The following PSD2 variants were observed in gnomAD, a reference collection of about 807,000 sequenced individuals.
The protein encoded by PSD2 is PH and SEC7 domain-containing protein 2.
In PSD2, 38 loss-of-function variants were observed where a neutral mutation model predicts 69.8. The observed-to-expected ratio is 0.54, with a 90% CI of 0.42 to 0.71. The LOEUF (loss-of-function observed/expected upper bound fraction) is 0.71. Among genes scored for constraint, PSD2 ranks in the 30% least tolerant of loss-of-function variants. PSD2 has a pLI of 0.00. For synonymous variants in PSD2, 412 were observed against 423.0 expected (o/e 0.97, Z 0.32); for missense variants, 943 against 1,014.5 (o/e 0.93, Z 0.96).
chr5:139,836,983 G>A lies in PSD2; in HGVS notation c.1576G>A (p.Asp526Asn). The A allele has an allele frequency of 1.9e-6, 3 of 1,612,808 alleles. No homozygotes were observed. The highest frequency in any genetic ancestry group is 2.5e-6 in the Non-Finnish European group (3 of 1,179,240). Residue 526 changes from aspartate to asparagine, a missense_variant, in exon 10 of 15, where the codon GAC becomes AAC. Asp to Asn is a conservative substitution (Grantham distance 23). Transcript: ENST00000274710. ...HGVLTRKTHA[D>N]MDGKRTPRGR... ...CGTCCTGACCCGGAAGACTCACGCT[G>A]ACATGGATGGCAAGAGGAGTGGGTG...
intron 7 of PSD2, among the ~76,000 whole-genome samples, chr5:139,824,753 G>T (rs191517496): frequency 4.4e-4 from 67 of 152,238 alleles, no homozygotes; most frequent in African/African-American, 1.6e-3. Context: ...GTGAAGTAAA[G>T]CTCGTACCCA....
intron 2 of PSD2, among the ~76,000 whole-genome samples, chr5:139,812,899 C>T (rs529193681): frequency 5.3e-5 from 8 of 152,252 alleles, no homozygotes; most frequent in Admixed American, 1.3e-4. Context: ...ACTAGTTCTC[C>T]GTGGGCAGGA....
At chr5:139,834,829 C>T (rs1760676987) in intron 8 of PSD2, among the ~76,000 whole-genome samples, 1 of 151,990 alleles carries the variant, frequency 6.6e-6, no homozygotes, top group Non-Finnish European at 1.5e-5. Flanking sequence ...TCCCAAACTA[C>T]CCATTCACCT....
intron 7 of PSD2, among the ~76,000 whole-genome samples, chr5:139,831,848 T>G (rs1164324990): frequency 6.6e-6 from 1 of 152,248 alleles, no homozygotes; most frequent in Non-Finnish European, 1.5e-5. Flanking sequence ...AGTATTTTCT[T>G]TCTTAATTTC....
At chr5:139,778,581 A>G in the PSD2 span, among the ~76,000 whole-genome samples, 1 of 152,236 alleles carries the variant, frequency 6.6e-6, no homozygotes, top group Non-Finnish European at 1.5e-5. Context: ...ATTGTAATGA[A>G]CATCCTTGTA....
the PSD2 span, among the ~76,000 whole-genome samples, chr5:139,769,615 C>T: frequency 6.6e-6 from 1 of 152,208 alleles, no homozygotes; most frequent in African/African-American, 2.4e-5. Flanking sequence ...TCTCATCTGT[C>T]CAGCACTTGC....
chr5:139,833,627 T>TGGGCA lies in PSD2; in HGVS notation c.1270-66_1270-62dup, dbSNP rs540804983. ...CTTAATGCTGCCTCATCCCTCTGGC[T>TGGGCA]GGGCAGGGCAGGGTGTGTGGGGAAC... On this transcript the variant is annotated intron_variant, in intron 7 of 14. Coordinates refer to ENST00000274710, the MANE Select transcript of PSD2 (RefSeq NM_032289.4). 1,086 of 1,009,528 alleles carry TGGGCA rather than the reference T, an allele frequency of 1.1e-3. 7 individuals are homozygous for TGGGCA. The African/African-American group carries it at 0.014, about 13-fold the overall frequency. The allele number at this position is 1,009,528 out of a possible 1,614,324, so 62.5% of individuals were successfully genotyped here. A position where few individuals can be genotyped will look rare whatever the true frequency, so the allele number is the denominator to read the frequency against.
chr5:139,804,788 T>A (rs115859540), intron 1 of PSD2, among the ~76,000 whole-genome samples: 1,737 of 152,240 alleles, frequency 0.011, 33 homozygotes, highest in African/African-American at 0.04. Flanking sequence ...CCCATAGGCC[T>A]GCCAGTGCCT....
chr5:139,765,761 C>CG, the PSD2 span, among the ~76,000 whole-genome samples: 26 of 152,222 alleles, frequency 1.7e-4, no homozygotes, highest in South Asian at 3.9e-3. Flanking sequence ...GGCTGCGTTC[C>CG]GGGGGGGTTC....
chr5:139,837,970 C>T lies in PSD2; in HGVS notation c.1823+188C>T, dbSNP rs1760777958. On this transcript the variant is annotated intron_variant, in intron 12 of 14. Transcript: ENST00000274710. This position sits in a 1 kb window ranked among gnomAD's most constrained non-coding sequence, Gnocchi z 5.0. ...TTCCCCTCAGCATCATTTGCAGTCT[C>T]TCTGGCCCCACCTTAGACCTACTGA... 6.6e-6 allele frequency among the ~76,000 whole-genome samples: 1 copy of T among 152,232 alleles called. No homozygotes were observed. The highest frequency in any genetic ancestry group is 6.5e-5 in the Admixed American group (1 of 15,288).
At chr5:139,766,928 CCCTTCTTTCTTTCTTTCT>C in the PSD2 span, among the ~76,000 whole-genome samples, 3 of 31,186 alleles carry the variant, frequency 9.6e-5, no homozygotes, top group African/African-American at 3.5e-4. Flanking sequence ...TTCCTTCCTT[CCCTTCTTTCTTTCTTTCT>C]TTCTTTCTTT....
At chr5:139,763,110 C>T in the PSD2 span, among the ~76,000 whole-genome samples, 2 of 152,068 alleles carry the variant, frequency 1.3e-5, no homozygotes, top group Non-Finnish European at 2.9e-5. Flanking sequence ...AGTGGGGTGC[C>T]TGAACAGGCT....
At chr5:139,830,554 C>CTTCG (rs1554096344) in intron 7 of PSD2, among the ~76,000 whole-genome samples, 2 of 135,168 alleles carry the variant, frequency 1.5e-5, no homozygotes, top group Non-Finnish European at 3.1e-5. Context: ...TCCTTCCTTC[C>CTTCG]TTCCTTCCTT....
the PSD2 span, among the ~76,000 whole-genome samples, chr5:139,787,641 C>A: frequency 1.3e-5 from 2 of 152,330 alleles, no homozygotes; most frequent in African/African-American, 2.4e-5. Context: ...GGTGGCGCCC[C>A]GACCCCAAAA....
At chr5:139,826,807 A>G (rs112085790) in intron 7 of PSD2, among the ~76,000 whole-genome samples, 1 of 152,168 alleles carries the variant, frequency 6.6e-6, no homozygotes, top group African/African-American at 2.4e-5. Flanking sequence ...TCTGACAGTG[A>G]TGTCAGCCTC....
Position 139,814,036 on chromosome 5 carries a change from G to T in PSD2, c.822-134G>T. 1 of 843,224 alleles carries T rather than the reference G, an allele frequency of 1.2e-6. No individual in the cohort carries two copies. The highest frequency in any genetic ancestry group is 1.9e-6 in the Non-Finnish European group (1 of 527,700). 52.2% of individuals were successfully genotyped at this position (843,224 alleles called of 1,614,324 possible). A position where few individuals can be genotyped will look rare whatever the true frequency, so the allele number is the denominator to read the frequency against. The stretch of plus-strand genomic sequence containing the variant: ...CTGAAAGTCTGATTTCATTCCCTCC[G>T]GCTGCAGTGGAGCTTCTTTCCCTGT... On this transcript the variant is annotated intron_variant, in intron 3 of 14. Transcript: ENST00000274710. This position sits in a 1 kb window ranked among gnomAD's most constrained non-coding sequence, Gnocchi z 4.4.
chr5:139,749,443 C>T, the PSD2 span, among the ~76,000 whole-genome samples: 1 of 152,242 alleles, frequency 6.6e-6, no homozygotes, highest in Non-Finnish European at 1.5e-5. Context: ...GCAGCAGCCA[C>T]TGCCCCATTC....
Position 139,833,453 on chromosome 5 carries a change from C to T in PSD2, c.1270-249C>T, listed in dbSNP as rs185939566. ...GCAAATGTCAGCTCTTACAACTCTT[C>T]ATCCAGCCCAACTCCTTCACCTGGG... On this transcript the variant is annotated intron_variant, in intron 7 of 14. Coordinates refer to ENST00000274710, the MANE Select transcript of PSD2 (RefSeq NM_032289.4). 1.9e-3 allele frequency among the ~76,000 whole-genome samples: 296 copies of T among 152,338 alleles called. 1 individual carries two copies. Among genetic ancestry groups the T allele is most frequent in the African/African-American group, 6.6e-3 (274 of 41,580 alleles).
At chr5:139,830,010 G>GA (rs537099756) in intron 7 of PSD2, among the ~76,000 whole-genome samples, 15,508 of 111,104 alleles carry the variant, frequency 0.14, 1,040 homozygotes, top group African/African-American at 0.23. Context: ...CTTTTTTTTT[G>GA]AAAAAAAAAA....
Sources: allele counts gnomAD v4.1 joint callset (sites outside exome capture counted in the v4.1 genomes callset), GRCh38; gene constraint gnomAD v4.1.1; non-coding constraint Gnocchi (gnomAD v3.1); transcripts MANE v1.5; gene names NCBI Gene and HGNC (gene_info 2026-07-23, HGNC 2026-07-21).